Variants in DYSF observed in about 807,000 individuals in gnomAD.
The protein encoded by DYSF is dystrophy-associated fer-1-like 1.
In DYSF, 212 loss-of-function variants were observed where a neutral mutation model predicts 274.9. The ratio of observed to expected loss-of-function variants is 0.77; its 90% CI spans 0.69 to 0.86. The LOEUF (loss-of-function observed/expected upper bound fraction) is 0.86. Ranked by LOEUF, DYSF falls within the 40% of genes least tolerant of loss-of-function variation. The probability of loss-of-function intolerance (pLI) is 0.00; values close to 1 mark genes in which losing one functional copy is unlikely to be tolerated. For missense variants in DYSF, 2,666 were observed against 2,783.2 expected (o/e 0.96, Z 0.95); for synonymous variants, 1,091 against 1,078.7 (o/e 1.01, Z -0.22).
At chr2:71,505,258 T>C (rs1031878283) in intron 4 of DYSF, among the ~76,000 whole-genome samples, 5 of 152,180 alleles carry the variant, frequency 3.3e-5, no homozygotes, top group African/African-American at 1.2e-4. Context: ...TGCACTGTAG[T>C]GCGAGGCAGG....
chr2:71,568,847 C>G (rs1359916737), intron 26 of DYSF, among the ~76,000 whole-genome samples: 3 of 151,810 alleles, frequency 2.0e-5, no homozygotes, highest in African/African-American at 7.3e-5. Context: ...AGGCTTGAGT[C>G]ACCACGCCTG....
chr2:71,540,499 G>A (rs1484721080), intron 17 of DYSF, among the ~76,000 whole-genome samples: 2 of 151,890 alleles, frequency 1.3e-5, no homozygotes, highest in African/African-American at 2.4e-5. Flanking sequence ...ATGCCCCTAG[G>A]CTTATTTTGC....
chr2:71,456,352 C>G (rs1377281974), intron 1 of DYSF, among the ~76,000 whole-genome samples: 1 of 152,158 alleles, frequency 6.6e-6, no homozygotes, highest in Non-Finnish European at 1.5e-5. Flanking sequence ...GGCCACATTT[C>G]ACGTCCTGCA....
chr2:71,547,910 G>A (rs2090610282), intron 17 of DYSF, among the ~76,000 whole-genome samples: 4 of 152,184 alleles, frequency 2.6e-5, no homozygotes, highest in South Asian at 2.1e-4. Context: ...TCATTAGCCC[G>A]AGATAACGGG....
intron 53 of DYSF, among the ~76,000 whole-genome samples, chr2:71,680,245 A>C (rs2095279570): frequency 6.6e-6 from 1 of 152,272 alleles, no homozygotes; most frequent in South Asian, 2.1e-4. Flanking sequence ...AGGGAGGACT[A>C]CTGTATTTTT....
intron 1 of DYSF, among the ~76,000 whole-genome samples, chr2:71,458,156 A>G (rs1255639274): frequency 6.6e-6 from 1 of 152,202 alleles, no homozygotes; most frequent in African/African-American, 2.4e-5. Flanking sequence ...AATAGCTTGT[A>G]CCTGCTTTGG....
rs144862436 is a variant in DYSF at position 71,685,239 on chromosome 2, C to T, written c.6322-1215C>T. Among the ~76,000 whole-genome samples the T allele has an allele frequency of 2.8e-3, 421 of 152,304 alleles. 5 individuals are homozygous for T. The highest frequency in any genetic ancestry group is 9.9e-3 in the African/African-American group (411 of 41,562). The stretch of plus-strand genomic sequence containing the variant: ...TCAGAGCTCCTCCCTGTCTCCTGTC[C>T]CCCCAGCAGCGGGCCACTCTCCTTT... On this transcript the variant is annotated intron_variant, in intron 55 of 55. Coordinates refer to ENST00000410020, the MANE Select transcript of DYSF (RefSeq NM_001130987.2).
chr2:71,612,688 C>A lies in DYSF; in HGVS notation c.4269C>A (p.Val1423=). The A allele has an allele frequency of 6.2e-7, 1 of 1,614,176 alleles. No homozygotes were observed. Among genetic ancestry groups the A allele is most frequent in the South Asian group, 1.1e-5 (1 of 91,076 alleles). The change falls in exon 39 of 56, where the codon GTC becomes GTA. Residue 1423 remains valine (V), a synonymous_variant. Transcript: ENST00000410020. ...ELYCPPITVK[V]IDNRQFGRRP... ...ACTGCCCCCCCATCACCGTCAAGGT[C>A]ATCGATAACCGCCAGTTTGGCCGCC...
intron 41 of DYSF, among the ~76,000 whole-genome samples, chr2:71,641,827 T>C (rs188868261): frequency 1.8e-4 from 28 of 152,308 alleles, no homozygotes; most frequent in African/African-American, 6.5e-4. Flanking sequence ...TTCTCATTTT[T>C]CTAGTTTTAT....
Position 71,674,104 on chromosome 2 carries a change from G to A in DYSF, c.5785-93G>A. The A allele has an allele frequency of 1.1e-5, 12 of 1,129,972 alleles. 1 individual carries two copies. The South Asian group carries it at 1.5e-4, about 15-fold the overall frequency. 70.0% of individuals were successfully genotyped at this position (1,129,972 alleles called of 1,614,324 possible). A position where few individuals can be genotyped will look rare whatever the true frequency, so the allele number is the denominator to read the frequency against. Reference sequence around the variant, plus strand: ...TCCCTTGGGGACATCCTACTCCTCTGCCTCCTCCAGGCAGCCTTCCAGGCT... The same window carrying A: ...TCCCTTGGGGACATCCTACTCCTCTACCTCCTCCAGGCAGCCTTCCAGGCT... On this transcript the variant is annotated intron_variant, in intron 51 of 55. Transcript: ENST00000410020.
intron 19 of DYSF, 86 bp downstream of exon 19, chr2:71,551,806 C>A (rs545982284): frequency 1.6e-5 from 18 of 1,113,882 alleles, no homozygotes; most frequent in Non-Finnish European, 2.2e-5. Flanking sequence ...GTGTCATGGC[C>A]GAGGGAGGAG....
At chr2:71,683,252 G>A (rs948786581) in intron 55 of DYSF, among the ~76,000 whole-genome samples, 4 of 152,124 alleles carry the variant, frequency 2.6e-5, no homozygotes, top group African/African-American at 9.7e-5. Context: ...TACTTGGCTC[G>A]GTGCCCATTT....
upstream of DYSF, chr2:71,466,552 A>C: frequency 3.4e-6 from 3 of 876,690 alleles, no homozygotes; most frequent in East Asian, 4.7e-5. Flanking sequence ...CCGCGGAGCT[A>C]GGGACCAGCA....
At chr2:71,661,309 T>C (rs2094877634) in intron 45 of DYSF, among the ~76,000 whole-genome samples, 1 of 151,966 alleles carries the variant, frequency 6.6e-6, no homozygotes. Context: ...CCTTACTCAA[T>C]TTCCCCCACT....
intron 24 of DYSF, among the ~76,000 whole-genome samples, chr2:71,565,129 G>A (rs144647742): frequency 4.6e-5 from 7 of 151,898 alleles, no homozygotes; most frequent in African/African-American, 1.7e-4. Flanking sequence ...TGCCCAGGCT[G>A]GAGTGTAGTG....
chr2:71,516,342 G>T lies in DYSF; in HGVS notation c.951+100G>T, dbSNP rs568907445. 3.1e-5 allele frequency: 37 copies of T among 1,192,884 alleles called. No individual in the cohort carries two copies. In the South Asian group the frequency reaches 4.5e-4, roughly 14 times the overall value. The allele number at this position is 1,192,884 out of a possible 1,614,324, so 73.9% of individuals were successfully genotyped here. On this transcript the variant is annotated intron_variant, in intron 9 of 55. Transcript: ENST00000410020. Reference sequence around the variant, plus strand: ...TTTGTGCACGTGTGTGCATGTGCACGTCAGTGTGAATGCGTGAATGCGTGT... The same window carrying T: ...TTTGTGCACGTGTGTGCATGTGCACTTCAGTGTGAATGCGTGAATGCGTGT...
chr2:71,645,911 C>T (rs1214642420), intron 42 of DYSF, among the ~76,000 whole-genome samples: 1 of 152,096 alleles, frequency 6.6e-6, no homozygotes, highest in Admixed American at 6.5e-5. Context: ...GCCCCAAGAG[C>T]CCTTTGGAGG....
intron 29 of DYSF, among the ~76,000 whole-genome samples, chr2:71,571,746 ACAGT>A (rs1303516781): frequency 4.2e-5 from 6 of 143,998 alleles, no homozygotes; most frequent in South Asian, 2.3e-4. Context: ...CACACAGATC[ACAGT>A]CAGCACACAC....
chr2:71,511,260 C>A (rs1279145138), intron 4 of DYSF, among the ~76,000 whole-genome samples: 1 of 152,232 alleles, frequency 6.6e-6, no homozygotes, highest in Non-Finnish European at 1.5e-5. Context: ...GCAAGCCTGG[C>A]AGCACACTGA....
Sources: gnomAD v4.1 joint callset for allele counts (sites outside exome capture counted in the v4.1 genomes callset) on GRCh38, gnomAD v4.1.1 for gene constraint, MANE v1.5 for transcripts, NCBI Gene and HGNC (gene_info 2026-07-23, HGNC 2026-07-21) for gene names.